Variants in TTC28 observed in about 807,000 individuals in gnomAD.
TTC28 encodes tetratricopeptide repeat domain 28.
TTC28 carries 61 observed loss-of-function variants against 198.0 expected under a neutral mutation model. That is an observed-to-expected ratio of 0.31 (90% CI 0.25 to 0.38). The LOEUF is 0.38. Ranked by LOEUF, TTC28 falls within the 10% of genes least tolerant of loss-of-function variation. The probability of loss-of-function intolerance (pLI) is 1.00; values close to 1 mark genes in which losing one functional copy is unlikely to be tolerated. For synonymous variants in TTC28, 1,171 were observed against 1,297.8 expected, an observed-to-expected ratio of 0.90 and a Z score of 2.10; for missense variants, 2,678 against 3,164.0, an observed-to-expected ratio of 0.85 and a Z score of 3.69.
At position 27,982,655 on chromosome 22, in the gene TTC28, C is replaced by G. The variant is rs369054200; in HGVS notation, c.7012G>C (p.Asp2338His). The change falls in exon 23 of 23, where the codon GAC becomes CAC. Residue 2338 changes from aspartate (D) to histidine (H), a missense_variant. Coordinates refer to ENST00000397906, the MANE Select transcript of TTC28 (RefSeq NM_001145418.2). This position sits in a 1 kb window ranked among gnomAD's most constrained non-coding sequence, Gnocchi z 5.2. ...SAGSARSSPA[D>H]APDIDKLKMA... ...TTCAGTTTGTCTATGTCGGGAGCGT[C>G]TGCTGGACTTGAGCGAGCAGATCCA... 4.6e-5 allele frequency: 71 copies of G among 1,551,614 alleles called. No individual in the cohort carries two copies. The highest frequency in any genetic ancestry group is 6.1e-5 in the Non-Finnish European group (70 of 1,147,024).
chr22:28,175,967 G>A (rs978912693), intron 5 of TTC28, among the ~76,000 whole-genome samples: 1 of 152,172 alleles, frequency 6.6e-6, no homozygotes, highest in Non-Finnish European at 1.5e-5. Context: ...TGGTGGAATT[G>A]TAAACCAGTA....
chr22:28,117,595 G>A (rs1942667194), intron 6 of TTC28, among the ~76,000 whole-genome samples: 1 of 152,342 alleles, frequency 6.6e-6, no homozygotes, highest in South Asian at 2.1e-4. Context: ...ACACAGAATT[G>A]TGGGTTATCA....
At chr22:28,130,392 T>C (rs1225111093) in intron 6 of TTC28, among the ~76,000 whole-genome samples, 2 of 152,242 alleles carry the variant, frequency 1.3e-5, no homozygotes, top group South Asian at 2.1e-4. Flanking sequence ...GCCACTTTGA[T>C]GCTTCAGAAA....
In TTC28 at chr22:28,594,361, T is replaced by C. The variant is rs996167256; in HGVS notation, c.381+35191A>G. Among the ~76,000 whole-genome samples the C allele has an allele frequency of 2.0e-5, 3 of 151,684 alleles. No individual in the cohort carries two copies. In the South Asian group the frequency reaches 6.2e-4, roughly 32 times the overall value. ...CTAACCCTAATTCTGTCAAGATGCC[T>C]AACCCTAACTCTCCAAAGTAGTACT... On this transcript the variant is annotated intron_variant, in intron 2 of 22. Coordinates refer to ENST00000397906, the MANE Select transcript of TTC28 (RefSeq NM_001145418.2).
intron 2 of TTC28, among the ~76,000 whole-genome samples, chr22:28,587,924 G>A (rs1229838446): frequency 1.3e-5 from 2 of 151,836 alleles, no homozygotes; most frequent in Non-Finnish European, 2.9e-5. Flanking sequence ...GGTGGGTCAC[G>A]AGGTCAGGAG....
intron 2 of TTC28, among the ~76,000 whole-genome samples, chr22:28,574,941 G>T (rs2050122674): frequency 1.3e-5 from 2 of 152,058 alleles, no homozygotes. Flanking sequence ...CTTGTCAGAT[G>T]GATAGTTTGC....
rs937597627 is a variant in TTC28 at position 28,098,431 on chromosome 22, G to T, written c.3547+484C>A. On this transcript the variant is annotated intron_variant, in intron 10 of 22. Transcript: ENST00000397906. The stretch of plus-strand genomic sequence containing the variant: ...CACCAGACAAGAGACTTTGTTTCAG[G>T]CTGGGTGTCATGGTTCTCACCTGTG... Among the ~76,000 whole-genome samples, 6 of 152,298 alleles carry T rather than the reference G, an allele frequency of 3.9e-5. No individual in the cohort carries two copies. In the South Asian group the frequency reaches 1.2e-3, roughly 32 times the overall value.
In TTC28 at chr22:28,089,603, G is replaced by A. The variant is rs551903891; in HGVS notation, c.3932+4477C>T. 2.6e-4 allele frequency among the ~76,000 whole-genome samples: 38 copies of A among 148,316 alleles called. 1 individual carries two copies. The South Asian group carries it at 6.7e-3, about 26-fold the overall frequency. ...TGGGTGCAGCACACCAGCATGGCAC[G>A]TGTATACATATGTAACTAACCTGCA... On this transcript the variant is annotated intron_variant, in intron 12 of 22. Transcript: ENST00000397906.
chr22:28,074,600 A>G (rs1186280470), intron 12 of TTC28, among the ~76,000 whole-genome samples: 1 of 152,214 alleles, frequency 6.6e-6, no homozygotes, highest in Admixed American at 6.5e-5. Context: ...ACAGGTGCAG[A>G]AGTGTCAGGC....
intron 1 of TTC28, among the ~76,000 whole-genome samples, chr22:28,674,181 C>T (rs534529620): frequency 2.0e-5 from 3 of 151,126 alleles, no homozygotes; most frequent in Admixed American, 6.6e-5. Flanking sequence ...GTTCCTCAAG[C>T]GCTCACAGGG....
At chr22:28,000,577 C>G (rs1409028453) in intron 15 of TTC28, 1 of 152,374 alleles carries the variant, frequency 6.6e-6, no homozygotes, top group Non-Finnish European at 1.5e-5. Context: ...AAAGACAGTC[C>G]TGCAGCCGCG....
At chr22:28,238,179 TG>T (rs557814671) in intron 5 of TTC28, among the ~76,000 whole-genome samples, 1 of 152,196 alleles carries the variant, frequency 6.6e-6, no homozygotes, top group Non-Finnish European at 1.5e-5. Flanking sequence ...TTCAAATATT[TG>T]TATGCCCACT....
In TTC28 at chr22:28,084,813, C is replaced by T. The variant is rs920865094; in HGVS notation, c.3932+9267G>A. ...AGAATAATCAATGCAGAGAAGTCCT[C>T]AAAGGACCTGATGGAGCTGAAAACC... is the stretch of plus-strand genomic sequence containing the variant. On this transcript the variant is annotated intron_variant, in intron 12 of 22. Transcript: ENST00000397906. Among the ~76,000 whole-genome samples the T allele has an allele frequency of 6.1e-4, 93 of 152,106 alleles. 2 individuals carry two copies. Among genetic ancestry groups the T allele is most frequent in the African/African-American group, 2.0e-3 (85 of 41,514 alleles).
chr22:28,496,382 C>T (rs1239178611), intron 2 of TTC28, among the ~76,000 whole-genome samples: 1 of 152,078 alleles, frequency 6.6e-6, no homozygotes, highest in Non-Finnish European at 1.5e-5. Flanking sequence ...AAAACATCTG[C>T]TCCCCTGGCA....
At chr22:28,201,979 A>G (rs758068274) in intron 5 of TTC28, among the ~76,000 whole-genome samples, 1 of 152,092 alleles carries the variant, frequency 6.6e-6, no homozygotes, top group Non-Finnish European at 1.5e-5. Flanking sequence ...TACTATGAGT[A>G]CCCATCATAT....
At chr22:28,223,528 A>G (rs779108696) in intron 5 of TTC28, among the ~76,000 whole-genome samples, 1 of 152,194 alleles carries the variant, frequency 6.6e-6, no homozygotes, top group African/African-American at 2.4e-5. Flanking sequence ...AATTATCTGA[A>G]CTAGATTTGA....
chr22:28,046,105 C>CT (rs1205899421), intron 12 of TTC28, among the ~76,000 whole-genome samples: 1 of 152,220 alleles, frequency 6.6e-6, no homozygotes, highest in Non-Finnish European at 1.5e-5. Context: ...AAATTTTTAG[C>CT]TGTACCAATA....
At chr22:28,097,839 C>T (rs1344608836) in intron 10 of TTC28, among the ~76,000 whole-genome samples, 2 of 152,190 alleles carry the variant, frequency 1.3e-5, no homozygotes, top group Non-Finnish European at 2.9e-5. Context: ...ACAGCAGGAA[C>T]AATTTCTGTG....
At chr22:27,994,869 C>T (rs540935368) in intron 17 of TTC28, among the ~76,000 whole-genome samples, 9 of 152,186 alleles carry the variant, frequency 5.9e-5, no homozygotes, top group Middle Eastern at 3.4e-3. Flanking sequence ...GGAGGGACTT[C>T]GGGGGTGACG....
Sources: allele counts gnomAD v4.1 joint callset (sites outside exome capture counted in the v4.1 genomes callset), GRCh38; gene constraint gnomAD v4.1.1; non-coding constraint Gnocchi (gnomAD v3.1); transcripts MANE v1.5; gene names NCBI Gene and HGNC (gene_info 2026-07-23, HGNC 2026-07-21).